The following TMEM108 variants were observed in gnomAD, a reference collection of about 807,000 sequenced individuals.
TMEM108 encodes the protein cancer/testis antigen 124.
Under a neutral mutation model 35.1 loss-of-function variants are expected in TMEM108, and 12 were observed. The observed-to-expected ratio is 0.34, with a 90% CI of 0.22 to 0.55. TMEM108 has a LOEUF of 0.55. Ranked by LOEUF, TMEM108 falls within the 20% of genes least tolerant of loss-of-function variation. The probability of loss-of-function intolerance (pLI) is 0.89; values close to 1 mark genes in which losing one functional copy is unlikely to be tolerated. For missense variants in TMEM108, 680 were observed against 753.3 expected (o/e 0.90, Z 1.14); for synonymous variants, 287 against 308.6 (o/e 0.93, Z 0.73).
At chr3:133,395,240 A>C (rs1227005795) in intron 5 of TMEM108, among the ~76,000 whole-genome samples, 1 of 152,260 alleles carries the variant, frequency 6.6e-6, no homozygotes, top group African/African-American at 2.4e-5. Context: ...ATGCAGATCC[A>C]TTCAGCTCAG....
intron 3 of TMEM108, among the ~76,000 whole-genome samples, chr3:133,331,144 A>T (rs1433285756): frequency 6.6e-6 from 1 of 152,220 alleles, no homozygotes; most frequent in African/African-American, 2.4e-5. Context: ...GCAGTTGTAC[A>T]TGTGTCTGTC....
At chr3:133,178,862 G>C (rs1233758670) in intron 2 of TMEM108, among the ~76,000 whole-genome samples, 1 of 152,148 alleles carries the variant, frequency 6.6e-6, no homozygotes, top group African/African-American at 2.4e-5. Flanking sequence ...TACCATCAGA[G>C]TGAACAGGCA....
intron 2 of TMEM108, among the ~76,000 whole-genome samples, chr3:133,153,358 C>T (rs1262835075): frequency 6.6e-6 from 1 of 152,146 alleles, no homozygotes. Context: ...GAAAGTAATA[C>T]CTACAACATT....
chr3:133,271,820 C>G (rs930122605), intron 3 of TMEM108, among the ~76,000 whole-genome samples: 4 of 152,090 alleles, frequency 2.6e-5, no homozygotes, highest in Non-Finnish European at 5.9e-5. Flanking sequence ...AACCTTATTC[C>G]TGCTTTTTTG....
intron 2 of TMEM108, among the ~76,000 whole-genome samples, chr3:133,213,127 C>A (rs1169012784): frequency 6.6e-6 from 1 of 152,122 alleles, no homozygotes; most frequent in African/African-American, 2.4e-5. Context: ...GATGCTCAGG[C>A]CCTGAGATAA....
intron 2 of TMEM108, among the ~76,000 whole-genome samples, chr3:133,227,549 T>A (rs1559874923): frequency 2.7e-5 from 4 of 150,698 alleles, no homozygotes; most frequent in African/African-American, 9.8e-5. Context: ...GAATTCTTAT[T>A]AAAAAAAACA....
intron 2 of TMEM108, among the ~76,000 whole-genome samples, chr3:133,072,662 A>G (rs1943690112): frequency 6.6e-6 from 1 of 152,192 alleles, no homozygotes; most frequent in Non-Finnish European, 1.5e-5. Context: ...TTATTGAGTT[A>G]TAATTTACGT....
intron 2 of TMEM108, among the ~76,000 whole-genome samples, chr3:133,185,648 A>G (rs975618963): frequency 1.3e-5 from 2 of 151,918 alleles, no homozygotes; most frequent in African/African-American, 2.4e-5. Flanking sequence ...GCTGTAGAGC[A>G]GGGAGCAAGA....
rs930595038 is a variant in TMEM108 at position 133,171,561 on chromosome 3, G to T, written c.-46-57705G>T. Reference sequence around the variant, plus strand: ...TCAAAGTACACATTTTTGTAAAGATGAAACAGGAGATTTCAGGGACATTTC... The same window carrying T: ...TCAAAGTACACATTTTTGTAAAGATTAAACAGGAGATTTCAGGGACATTTC... On this transcript the variant is annotated intron_variant, in intron 2 of 5. Transcript: ENST00000321871. 3.9e-5 allele frequency among the ~76,000 whole-genome samples: 6 copies of T among 152,248 alleles called. No homozygotes were observed. The East Asian group carries it at 1.2e-3, about 29-fold the overall frequency.
chr3:133,182,063 A>G (rs1227272241), intron 2 of TMEM108, among the ~76,000 whole-genome samples: 1 of 152,204 alleles, frequency 6.6e-6, no homozygotes, highest in Non-Finnish European at 1.5e-5. Context: ...TGCCCTGTAG[A>G]TCTCAACCTG....
chr3:133,116,398 G>A (rs1944288196), intron 2 of TMEM108, among the ~76,000 whole-genome samples: 1 of 151,134 alleles, frequency 6.6e-6, no homozygotes, highest in Non-Finnish European at 1.5e-5. Context: ...CTTAGTATGA[G>A]TTTATTTTGG....
chr3:133,349,960 A>C (rs2071941247), intron 3 of TMEM108, among the ~76,000 whole-genome samples: 2 of 152,164 alleles, frequency 1.3e-5, no homozygotes, highest in Non-Finnish European at 2.9e-5. Flanking sequence ...TCAGTATATC[A>C]AAAGATATCT....
At chr3:133,093,441 G>A (rs989369023) in intron 2 of TMEM108, among the ~76,000 whole-genome samples, 3 of 152,110 alleles carry the variant, frequency 2.0e-5, no homozygotes, top group African/African-American at 7.3e-5. Context: ...CAGGCCTGAG[G>A]TGTGCAAACA....
intron 2 of TMEM108, among the ~76,000 whole-genome samples, chr3:133,169,160 C>T (rs1269857054): frequency 6.6e-6 from 1 of 152,240 alleles, no homozygotes; most frequent in African/African-American, 2.4e-5. Flanking sequence ...CATTCATGCC[C>T]TTGTGGCCTA....
At chr3:133,163,035 A>T (rs1363789830) in intron 2 of TMEM108, among the ~76,000 whole-genome samples, 2 of 152,116 alleles carry the variant, frequency 1.3e-5, no homozygotes, top group African/African-American at 4.8e-5. Flanking sequence ...TTTGAGTTTA[A>T]TGTCTGTTGC....
intron 3 of TMEM108, among the ~76,000 whole-genome samples, chr3:133,312,248 A>G (rs749629962): frequency 6.6e-6 from 1 of 152,224 alleles, no homozygotes; most frequent in Non-Finnish European, 1.5e-5. Flanking sequence ...ATACTGGCAG[A>G]ACCACTGCTC....
At chr3:133,058,595 G>C (rs548631591) in intron 2 of TMEM108, among the ~76,000 whole-genome samples, 127 of 152,328 alleles carry the variant, frequency 8.3e-4, no homozygotes, top group Middle Eastern at 3.4e-3. Flanking sequence ...GGGATGGGGT[G>C]GGAACGCACT....
intron 3 of TMEM108, among the ~76,000 whole-genome samples, chr3:133,377,468 G>T (rs2072877112): frequency 6.6e-6 from 1 of 152,158 alleles, no homozygotes; most frequent in Admixed American, 6.5e-5. Context: ...CTGCATCATT[G>T]ATAGTGGTTG....
chr3:133,078,030 A>G (rs1423117359), intron 2 of TMEM108, among the ~76,000 whole-genome samples: 2 of 152,136 alleles, frequency 1.3e-5, no homozygotes, highest in East Asian at 1.9e-4. Flanking sequence ...TTGAGGATAG[A>G]GAACTCCCTA....
Sources: allele counts gnomAD v4.1 joint callset (sites outside exome capture counted in the v4.1 genomes callset), GRCh38; gene constraint gnomAD v4.1.1; transcripts MANE v1.5; gene names NCBI Gene and HGNC (gene_info 2026-07-23, HGNC 2026-07-21).